The following EXOC7 variants were observed in gnomAD, a reference collection of about 807,000 sequenced individuals.
EXOC7 encodes exocyst complex component 7, also known as exocyst complex component Exo70.
Under a neutral mutation model 87.6 loss-of-function variants are expected in EXOC7, and 51 were observed. The ratio of observed to expected loss-of-function variants is 0.58; its 90% CI spans 0.46 to 0.73. The LOEUF (loss-of-function observed/expected upper bound fraction) is 0.73. EXOC7 is among the 30% of genes least tolerant of loss of function. EXOC7 has a pLI of 0.00. For synonymous variants in EXOC7, 327 were observed against 357.1 expected (o/e 0.92, Z 0.95); for missense variants, 744 against 888.4 (o/e 0.84, Z 2.07).
chr17:76,102,752 G>A (rs1206327693), intron 2 of EXOC7, among the ~76,000 whole-genome samples: 1 of 152,158 alleles, frequency 6.6e-6, no homozygotes, highest in Non-Finnish European at 1.5e-5. Context: ...CACTTATTGA[G>A]CACCTATTGT....
intron 2 of EXOC7, chr17:76,103,081 C>T: frequency 2.0e-6 from 1 of 487,818 alleles, no homozygotes. Flanking sequence ...TGGTCAGACT[C>T]ACTGAGTGTT....
intron 7 of EXOC7, 151 bp from the exon 8 acceptor site, chr17:76,089,471 G>A: frequency 1.1e-6 from 1 of 947,558 alleles, no homozygotes; most frequent in Non-Finnish European, 1.6e-6. Flanking sequence ...CTGCAAGGGA[G>A]CCAGCAGGCC....
Position 76,082,013 on chromosome 17 carries a change from C to A in EXOC7, c.*1635G>T, listed in dbSNP as rs752520798. The A allele has an allele frequency of 1.9e-6, 3 of 1,611,310 alleles. No individual in the cohort carries two copies. The highest frequency in any genetic ancestry group is 2.5e-6 in the Non-Finnish European group (3 of 1,179,404). ...CAGCCCAGCCCCGAGAGGGGAACAG[C>A]GAGAGCACGGCAACCCAGGGCCTCA... is the stretch of plus-strand genomic sequence containing the variant. On this transcript the variant is annotated 3_prime_UTR_variant, in exon 19 of 19. Coordinates refer to ENST00000589210, the MANE Select transcript of EXOC7 (RefSeq NM_001013839.4).
chr17:76,081,759 A>G lies in EXOC7; in HGVS notation c.*1889T>C. 6.2e-7 allele frequency: 1 copy of G among 1,614,010 alleles called. No individual in the cohort carries two copies. Among genetic ancestry groups the G allele is most frequent in the Non-Finnish European group, 8.5e-7 (1 of 1,179,986 alleles). On this transcript the variant is annotated 3_prime_UTR_variant, in exon 19 of 19. Transcript: ENST00000589210. Reference sequence around the variant, plus strand: ...TCCTCCTGCAACCCACTGCTCAGTAAGCCCTGCTCCCTTACCCAGTCTGCC... The same window carrying G: ...TCCTCCTGCAACCCACTGCTCAGTAGGCCCTGCTCCCTTACCCAGTCTGCC...
chr17:76,103,163 C>G, intron 2 of EXOC7, 198 bp downstream of exon 2: 1 of 593,348 alleles, frequency 1.7e-6, no homozygotes, highest in East Asian at 2.9e-5. Context: ...GGAAGTGCAG[C>G]CTCCTCAGTG....
intron 6 of EXOC7, chr17:76,093,696 T>G (rs1057178711): frequency 6.6e-6 from 1 of 152,340 alleles, no homozygotes; most frequent in African/African-American, 2.4e-5. Context: ...CATCTCTCAG[T>G]GGCCAGACAT....
intron 2 of EXOC7, chr17:76,103,089 G>A: frequency 2.0e-6 from 1 of 502,510 alleles, no homozygotes; most frequent in Non-Finnish European, 3.6e-6. Flanking sequence ...CTCACTGAGT[G>A]TTTGCAGAAG....
At chr17:76,094,371 C>A in intron 6 of EXOC7, 43 bp downstream of exon 6, 1 of 1,587,870 alleles carries the variant, frequency 6.3e-7, no homozygotes, top group South Asian at 1.2e-5. Flanking sequence ...CAGTCCCAGT[C>A]AGCCTCTGGC....
In EXOC7 at chr17:76,082,876, C is replaced by A. The variant is rs909621934; in HGVS notation, c.*772G>T. ...GGCCCTATTTTTTGCTTCCAACCCCCATTTTGCTCCTTAACTTTTCCCCAT... is the reference window on the plus strand; with the variant it reads ...GGCCCTATTTTTTGCTTCCAACCCCAATTTTGCTCCTTAACTTTTCCCCAT... On this transcript the variant is annotated 3_prime_UTR_variant, in exon 19 of 19. Coordinates refer to ENST00000589210, the MANE Select transcript of EXOC7 (RefSeq NM_001013839.4). 1.0e-5 allele frequency: 4 copies of A among 402,004 alleles called. No individual in the cohort carries two copies. Among genetic ancestry groups the A allele is most frequent in the South Asian group, 1.6e-4 (2 of 12,418 alleles). The allele number at this position is 402,004 out of a possible 1,614,324, so 24.9% of individuals were successfully genotyped here. A position where few individuals can be genotyped will look rare whatever the true frequency, so the allele number is the denominator to read the frequency against.
At chr17:76,100,980 A>AAACAAC (rs564691005) in intron 4 of EXOC7, 36 of 344,662 alleles carry the variant, frequency 1.0e-4, no homozygotes, top group Non-Finnish European at 1.3e-4. Context: ...TCTCAGGAAA[A>AAACAAC]AACAACAACA....
At chr17:76,094,980 A>G (rs1165540124) in intron 5 of EXOC7, among the ~76,000 whole-genome samples, 1 of 129,498 alleles carries the variant, frequency 7.7e-6, no homozygotes, top group Non-Finnish European at 1.6e-5. Context: ...TTTTTTTTTG[A>G]GACAAGGTCT....
chr17:76,088,924 C>G lies in EXOC7; in HGVS notation c.1048-1G>C. 1 of 1,612,272 alleles carries G rather than the reference C, an allele frequency of 6.2e-7. No individual in the cohort carries two copies. The highest frequency in any genetic ancestry group is 8.5e-7 in the Non-Finnish European group (1 of 1,179,818). On this transcript the variant is annotated splice_acceptor_variant, in intron 8 of 18. Coordinates refer to ENST00000589210, the MANE Select transcript of EXOC7 (RefSeq NM_001013839.4). LOFTEE classifies it high-confidence loss of function. ...CAAGCATCAGCCCATCCAGGGCATC[C>G]TGAGGGGGCAGGGAGACAGTTCAGG...
Position 76,088,263 on chromosome 17 carries a change from G to C in EXOC7, c.1300-141C>G, listed in dbSNP as rs1031239229. Reference sequence around the variant, plus strand: ...CAAAGGCTGAGCCAGGCTGGACCAAGGGGGAGAGGCCCTTCCCACTTCAGA... The same window carrying C: ...CAAAGGCTGAGCCAGGCTGGACCAACGGGGAGAGGCCCTTCCCACTTCAGA... On this transcript the variant is annotated intron_variant, in intron 10 of 18. Transcript: ENST00000589210. The C allele has an allele frequency of 5.9e-6, 6 of 1,008,432 alleles. No individual in the cohort carries two copies. The African/African-American group carries it at 9.6e-5, about 16-fold the overall frequency. The allele number at this position is 1,008,432 out of a possible 1,614,324, so 62.5% of individuals were successfully genotyped here. A position where few individuals can be genotyped will look rare whatever the true frequency, so the allele number is the denominator to read the frequency against.
At chr17:76,083,809 C>A in intron 18 of EXOC7, 59 bp from the exon 19 acceptor site, 1 of 1,563,882 alleles carries the variant, frequency 6.4e-7, no homozygotes, top group South Asian at 1.1e-5. Flanking sequence ...GCTCCACCCT[C>A]AGCCTAAGGC....
chr17:76,092,595 G>C (rs924938148), intron 6 of EXOC7: 5 of 152,214 alleles, frequency 3.3e-5, no homozygotes, highest in African/African-American at 9.6e-5. Context: ...ACCATACTTG[G>C]CCCATAATTA....
At position 76,082,466 on chromosome 17, in the gene EXOC7, C is replaced by A; in HGVS notation, c.*1182G>T. ...TTCCCTGTATCTCTCCCCACAGAGC[C>A]CTCCAGAGGAGTAAAGGGGTCACAG... On this transcript the variant is annotated 3_prime_UTR_variant, in exon 19 of 19. Transcript: ENST00000589210. 1.9e-6 allele frequency: 3 copies of A among 1,605,620 alleles called. No homozygotes were observed. Among genetic ancestry groups the A allele is most frequent in the Non-Finnish European group, 2.6e-6 (3 of 1,175,486 alleles).
rs552936588 is a variant in EXOC7, at chr17:76,085,223, G to A, written c.1712+91C>T. 57 of 1,080,954 alleles carry A rather than the reference G, an allele frequency of 5.3e-5. No individual in the cohort carries two copies. In the African/African-American group the frequency reaches 8.1e-4, roughly 15 times the overall value. The allele number at this position is 1,080,954 out of a possible 1,614,324, so 67.0% of individuals were successfully genotyped here. A position where few individuals can be genotyped will look rare whatever the true frequency, so the allele number is the denominator to read the frequency against. On this transcript the variant is annotated intron_variant, in intron 15 of 18. Transcript: ENST00000589210. ...AGGGTCCAGAGGACAGGAGTTCCCC[G>A]TGACCGACTCTGTGTCCTGAGGTGC...
At chr17:76,087,995 G>T in intron 11 of EXOC7, 65 bp downstream of exon 11, 1 of 1,577,232 alleles carries the variant, frequency 6.3e-7, no homozygotes, top group Non-Finnish European at 8.7e-7. Context: ...TACTCTGCCT[G>T]GCCCTGGGCC....
intron 1 of EXOC7, 52 bp downstream of exon 1, chr17:76,103,581 T>C: frequency 1.2e-6 from 2 of 1,601,826 alleles, no homozygotes; most frequent in East Asian, 2.3e-5. Context: ...CAGGCCCCGC[T>C]GTTGGCCCCT....
Sources: gnomAD v4.1 joint callset for allele counts (sites outside exome capture counted in the v4.1 genomes callset) on GRCh38, gnomAD v4.1.1 for gene constraint, MANE v1.5 for transcripts, NCBI Gene and HGNC (gene_info 2026-07-23, HGNC 2026-07-21) for gene names.